The following GABRG3 variants were observed in gnomAD, a reference collection of about 807,000 sequenced individuals.
The protein encoded by GABRG3 is gamma-aminobutyric acid type A receptor subunit gamma3.
A neutral mutation model predicts 48.8 loss-of-function variants in GABRG3; 25 were observed. That is an observed-to-expected ratio of 0.51 (90% CI 0.37 to 0.72). The LOEUF is 0.72. GABRG3 is among the 30% of genes least tolerant of loss of function. The pLI is 0.00. For missense variants in GABRG3, 394 were observed against 577.9 expected, an observed-to-expected ratio of 0.68 and a Z score of 3.26; for synonymous variants, 227 against 217.6, an observed-to-expected ratio of 1.04 and a Z score of -0.38.
At chr15:27,238,090 T>A (rs1890029873) in intron 3 of GABRG3, among the ~76,000 whole-genome samples, 1 of 141,798 alleles carries the variant, frequency 7.1e-6, no homozygotes, top group Non-Finnish European at 1.6e-5. Context: ...CCTGGTGTGA[T>A]GGGATCATCT....
chr15:27,363,736 C>T (rs1233412219), intron 5 of GABRG3: 1 of 152,214 alleles, frequency 6.6e-6, no homozygotes, highest in Non-Finnish European at 1.5e-5. Context: ...ACTTACCTAA[C>T]CATACACCTC....
intron 3 of GABRG3, among the ~76,000 whole-genome samples, chr15:27,247,064 G>A (rs943215259): frequency 1.3e-5 from 2 of 152,090 alleles, no homozygotes; most frequent in Admixed American, 6.6e-5. Flanking sequence ...TCAGCTTCCC[G>A]AGTAACTGGG....
chr15:27,506,225 T>A (rs1890756940), intron 6 of GABRG3, among the ~76,000 whole-genome samples: 1 of 152,202 alleles, frequency 6.6e-6, no homozygotes, highest in African/African-American at 2.4e-5. Flanking sequence ...TTTCACACTG[T>A]GAACTTGATG....
At chr15:27,358,989 G>T (rs571541301) in intron 5 of GABRG3, among the ~76,000 whole-genome samples, 4 of 152,226 alleles carry the variant, frequency 2.6e-5, no homozygotes, top group Non-Finnish European at 5.9e-5. Flanking sequence ...CGGGGCGAAC[G>T]CAGGCTCAGC....
chr15:27,138,073 TAAC>T (rs766714368), intron 3 of GABRG3, among the ~76,000 whole-genome samples: 5 of 152,222 alleles, frequency 3.3e-5, no homozygotes, highest in African/African-American at 7.2e-5. Flanking sequence ...TTTTAAAGCA[TAAC>T]AACAACAAGA....
At chr15:27,338,823 G>A (rs916581881) in intron 5 of GABRG3, among the ~76,000 whole-genome samples, 4 of 152,228 alleles carry the variant, frequency 2.6e-5, no homozygotes, top group Non-Finnish European at 5.9e-5. Flanking sequence ...TGTTTGCAGA[G>A]CATATAGAGT....
chr15:27,167,121 C>T (rs940996180), intron 3 of GABRG3, among the ~76,000 whole-genome samples: 30 of 152,264 alleles, frequency 2.0e-4, no homozygotes, highest in African/African-American at 6.0e-4. Context: ...TACTGCACAC[C>T]GAAAGCTTAG....
At chr15:27,014,398 GT>G (rs1409179276) in intron 2 of GABRG3, among the ~76,000 whole-genome samples, 1 of 146,938 alleles carries the variant, frequency 6.8e-6, no homozygotes, top group Non-Finnish European at 1.5e-5. Flanking sequence ...TGATTTGAGG[GT>G]TTTCCTCCTT....
chr15:27,022,745 TC>T (rs1183940220), intron 2 of GABRG3, among the ~76,000 whole-genome samples: 2 of 152,142 alleles, frequency 1.3e-5, no homozygotes, highest in Non-Finnish European at 2.9e-5. Context: ...TGCTGTCAGG[TC>T]CCCCTTCCCA....
At chr15:27,252,496 G>A (rs1785162833) in intron 3 of GABRG3, among the ~76,000 whole-genome samples, 1 of 152,236 alleles carries the variant, frequency 6.6e-6, no homozygotes, top group Non-Finnish European at 1.5e-5. Context: ...AGGTCGGTCA[G>A]AACATGATGC....
chr15:27,066,105 T>C (rs1896733767), intron 3 of GABRG3, among the ~76,000 whole-genome samples: 1 of 152,230 alleles, frequency 6.6e-6, no homozygotes, highest in Admixed American at 6.5e-5. Context: ...GATTAAACAT[T>C]AGATGTCTGG....
At chr15:26,997,545 G>C (rs1250695603) in intron 2 of GABRG3, among the ~76,000 whole-genome samples, 1 of 152,050 alleles carries the variant, frequency 6.6e-6, no homozygotes, top group Non-Finnish European at 1.5e-5. Context: ...TTAATCCCAA[G>C]AAGTCTACTT....
chr15:27,522,161 C>T (rs1891174435), intron 7 of GABRG3, among the ~76,000 whole-genome samples: 1 of 151,918 alleles, frequency 6.6e-6, no homozygotes, highest in South Asian at 2.1e-4. Flanking sequence ...ATATGACTGA[C>T]TGATTCTTCA....
intron 3 of GABRG3, among the ~76,000 whole-genome samples, chr15:27,136,273 C>T (rs1334052349): frequency 1.3e-5 from 2 of 152,122 alleles, no homozygotes; most frequent in African/African-American, 4.8e-5. Flanking sequence ...GATTGGTCTT[C>T]AAAGAGTGAA....
chr15:27,287,801 C>T (rs1021336883), intron 3 of GABRG3, among the ~76,000 whole-genome samples: 17 of 146,170 alleles, frequency 1.2e-4, no homozygotes, highest in Non-Finnish European at 1.8e-4. Flanking sequence ...TGCAGTGGCG[C>T]GATCTCGGCT....
chr15:26,983,948 G>C (rs898438631), intron 2 of GABRG3, among the ~76,000 whole-genome samples: 1 of 152,012 alleles, frequency 6.6e-6, no homozygotes, highest in African/African-American at 2.4e-5. Context: ...TTTTGCTGCT[G>C]TCCTGGCCCG....
intron 6 of GABRG3, among the ~76,000 whole-genome samples, chr15:27,508,818 A>G (rs1454794868): frequency 6.6e-6 from 1 of 151,954 alleles, no homozygotes; most frequent in African/African-American, 2.4e-5. Flanking sequence ...GGTTCACGCC[A>G]TTCTCTCACC....
At chr15:27,490,847 G>A (rs958499109) in intron 6 of GABRG3, among the ~76,000 whole-genome samples, 1 of 152,224 alleles carries the variant, frequency 6.6e-6, no homozygotes, top group East Asian at 1.9e-4. Context: ...ACAGGAGCAT[G>A]GAAATTGTGT....
chr15:27,521,560 C>A (rs1352440453), intron 7 of GABRG3, among the ~76,000 whole-genome samples: 1 of 152,086 alleles, frequency 6.6e-6, no homozygotes, highest in Non-Finnish European at 1.5e-5. Flanking sequence ...AAAGAGAAGT[C>A]TATTGCTGAC....
Sources: allele counts gnomAD v4.1 joint callset (sites outside exome capture counted in the v4.1 genomes callset), GRCh38; gene constraint gnomAD v4.1.1; transcripts MANE v1.5; gene names NCBI Gene and HGNC (gene_info 2026-07-23, HGNC 2026-07-21).